The following PRKN variants were observed in gnomAD, a reference collection of about 807,000 sequenced individuals.
PRKN encodes parkin RBR E3 ubiquitin protein ligase.
A neutral mutation model predicts 59.5 loss-of-function variants in PRKN; 56 were observed. The observed-to-expected ratio is 0.94, with a 90% CI of 0.76 to 1.18. PRKN has a LOEUF of 1.18. Among genes scored for constraint, PRKN ranks in the 50% most tolerant of loss-of-function variants. The probability of loss-of-function intolerance (pLI) is 0.00; values close to 1 mark genes in which losing one functional copy is unlikely to be tolerated. For synonymous variants in PRKN, 250 were observed against 222.1 expected, an observed-to-expected ratio of 1.13 and a Z score of -1.12; for missense variants, 657 against 596.4, an observed-to-expected ratio of 1.10 and a Z score of -1.06.
In PRKN at chr6:161,844,231, C is replaced by T. The variant is rs986483944; in HGVS notation, c.735-58323G>A. 2.6e-5 allele frequency among the ~76,000 whole-genome samples: 4 copies of T among 152,212 alleles called. No individual in the cohort carries two copies. In the East Asian group the frequency reaches 5.8e-4, roughly 22 times the overall value. ...AAAAGATCTTTCAAAATATATTCCT[C>T]GCTTATAATGGTGGCAATGACCCTT... On this transcript the variant is annotated intron_variant, in intron 6 of 11. Coordinates refer to ENST00000366898, the MANE Select transcript of PRKN (RefSeq NM_004562.3).
chr6:162,708,547 GATGAAACATTAA>G (rs1358390086), intron 1 of PRKN, among the ~76,000 whole-genome samples: 1 of 152,180 alleles, frequency 6.6e-6, no homozygotes, highest in Non-Finnish European at 1.5e-5. Flanking sequence ...TCTTAACAGT[GATGAAACATTAA>G]ATGAAACATG....
chr6:161,825,939 C>T (rs1792226030), intron 6 of PRKN, among the ~76,000 whole-genome samples: 2 of 152,162 alleles, frequency 1.3e-5, no homozygotes, highest in Non-Finnish European at 1.5e-5. Context: ...AAGAATGCTT[C>T]GAGTTGCTTC....
chr6:161,850,460 C>T (rs1240842892), intron 6 of PRKN, among the ~76,000 whole-genome samples: 2 of 150,268 alleles, frequency 1.3e-5, no homozygotes, highest in African/African-American at 2.5e-5. Flanking sequence ...GCTGTAGTCC[C>T]GGCTACTTGG....
In PRKN at chr6:161,547,198, G is replaced by A. The variant is rs1482044304; in HGVS notation, c.1083+1656C>T. On this transcript the variant is annotated intron_variant, in intron 9 of 11. Transcript: ENST00000366898. This position sits in a 1 kb window ranked among gnomAD's most constrained non-coding sequence, Gnocchi z 4.0. ...AACACACCTCCAAAACCAACAAATC[G>A]AAACAAATTAAGATAAATTAAGAAT... is the stretch of plus-strand genomic sequence containing the variant. Among the ~76,000 whole-genome samples, 8 of 152,006 alleles carry A rather than the reference G, an allele frequency of 5.3e-5. No individual in the cohort carries two copies. Among genetic ancestry groups the A allele is most frequent in the African/African-American group, 1.9e-4 (8 of 41,380 alleles).
At chr6:162,418,047 C>A (rs892202404) in intron 2 of PRKN, among the ~76,000 whole-genome samples, 1 of 152,136 alleles carries the variant, frequency 6.6e-6, no homozygotes, top group African/African-American at 2.4e-5. Context: ...TATACAAAAG[C>A]CTGCACACAA....
At chr6:162,376,234 A>T (rs562154738) in intron 2 of PRKN, among the ~76,000 whole-genome samples, 13 of 152,110 alleles carry the variant, frequency 8.5e-5, no homozygotes, top group Non-Finnish European at 1.6e-4. Flanking sequence ...TGAATAAGGG[A>T]ATTTTGTTAC....
chr6:161,610,413 T>C (rs116950002), intron 7 of PRKN, among the ~76,000 whole-genome samples: 15,078 of 151,694 alleles, frequency 0.099, 1,016 homozygotes, highest in Middle Eastern at 0.17. Context: ...CGTTGGTTGA[T>C]TGACCCACTT....
rs115070954 is a variant in PRKN, at chr6:162,107,202, G to C, written c.535-53028C>G. Among the ~76,000 whole-genome samples, 407 of 152,278 alleles carry C rather than the reference G, an allele frequency of 2.7e-3. 2 individuals carry two copies. Among genetic ancestry groups the C allele is most frequent in the African/African-American group, 9.2e-3 (384 of 41,564 alleles). ...GTTGAAGGCCGGGCTCAATGGTTCA[G>C]GCCTATAATCCCAGCACTTTGGGAG... On this transcript the variant is annotated intron_variant, in intron 4 of 11. Transcript: ENST00000366898.
rs1404466838 is a variant in PRKN at position 161,417,008 on chromosome 6, G to A, written c.1084-30131C>T. On this transcript the variant is annotated intron_variant, in intron 9 of 11. Transcript: ENST00000366898. The surrounding 1 kb of genome is among the most constrained non-coding windows in gnomAD (Gnocchi z 5.4). The stretch of plus-strand genomic sequence containing the variant: ...GAAGATGGAGGAAAGAACTCTGGAG[G>A]GAGATGGGGCCGAGGAAGGAGTAGG... Among the ~76,000 whole-genome samples, 1 of 152,180 alleles carries A rather than the reference G, an allele frequency of 6.6e-6. No individual in the cohort carries two copies. Among genetic ancestry groups the A allele is most frequent in the Non-Finnish European group, 1.5e-5 (1 of 68,042 alleles).
At chr6:161,743,136 C>T (rs59980410) in intron 7 of PRKN, among the ~76,000 whole-genome samples, 12 of 148,498 alleles carry the variant, frequency 8.1e-5, no homozygotes, top group African/African-American at 2.7e-4. Flanking sequence ...GAATATTTTA[C>T]AATGTGGAAA....
chr6:162,505,639 A>T (rs1793575550), intron 1 of PRKN, among the ~76,000 whole-genome samples: 1 of 152,182 alleles, frequency 6.6e-6, no homozygotes, highest in African/African-American at 2.4e-5. Context: ...AATTAACATA[A>T]ATCTTAAGAC....
At chr6:161,629,819 G>A (rs771986231) in intron 7 of PRKN, among the ~76,000 whole-genome samples, 17 of 152,158 alleles carry the variant, frequency 1.1e-4, no homozygotes, top group African/African-American at 1.4e-4. Flanking sequence ...ATCTTGGGGC[G>A]ATAGTGGTTA....
At chr6:161,749,410 T>C (rs989886643) in intron 7 of PRKN, among the ~76,000 whole-genome samples, 4 of 152,198 alleles carry the variant, frequency 2.6e-5, no homozygotes, top group African/African-American at 7.2e-5. Context: ...TCTGTATCTG[T>C]TAAGTTATAC....
intron 6 of PRKN, among the ~76,000 whole-genome samples, chr6:161,882,663 T>C (rs1191058267): frequency 6.6e-6 from 1 of 152,206 alleles, no homozygotes; most frequent in Non-Finnish European, 1.5e-5. Context: ...CTCATTTCCA[T>C]ATCAAAGCAA....
rs567780323 is a variant in PRKN, at chr6:161,932,626, G to A, written c.734+40676C>T. On this transcript the variant is annotated intron_variant, in intron 6 of 11. Coordinates refer to ENST00000366898, the MANE Select transcript of PRKN (RefSeq NM_004562.3). ...TTTCATTTTTGCCACTTTGCAAAGC[G>A]AAAAAAGGATGTGTGTAGCTATAAA... 1.8e-4 allele frequency among the ~76,000 whole-genome samples: 27 copies of A among 152,050 alleles called. No individual in the cohort carries two copies. The South Asian group carries it at 4.4e-3, about 25-fold the overall frequency.
intron 1 of PRKN, among the ~76,000 whole-genome samples, chr6:162,446,515 T>C (rs1442920911): frequency 6.6e-6 from 1 of 152,118 alleles, no homozygotes; most frequent in Admixed American, 6.5e-5. Context: ...ATATACAAGT[T>C]TTTTCTATAA....
rs1790142619 is a variant in PRKN, at chr6:161,460,249, T to C, written c.1084-73372A>G. Among the ~76,000 whole-genome samples, 1 of 152,236 alleles carries C rather than the reference T, an allele frequency of 6.6e-6. No homozygotes were observed. Among genetic ancestry groups the C allele is most frequent in the Non-Finnish European group, 1.5e-5 (1 of 68,040 alleles). On this transcript the variant is annotated intron_variant, in intron 9 of 11. Transcript: ENST00000366898. This position sits in a 1 kb window ranked among gnomAD's most constrained non-coding sequence, Gnocchi z 5.0. ...GAGGTTGCAACAAAAGATTATTTTA[T>C]TTAATTCTTGTTGATGGGCACCGTG...
In PRKN at chr6:162,356,304, T is replaced by C. The variant is rs546005340; in HGVS notation, c.171+87006A>G. On this transcript the variant is annotated intron_variant, in intron 2 of 11. Transcript: ENST00000366898. Reference sequence around the variant, plus strand: ...ATCTTTCTACTCTGTGGTCCTAAATTGTGCCCCTTGCTGCTTTCATAGCCG... The same window carrying C: ...ATCTTTCTACTCTGTGGTCCTAAATCGTGCCCCTTGCTGCTTTCATAGCCG... Among the ~76,000 whole-genome samples, 43 of 152,212 alleles carry C rather than the reference T, an allele frequency of 2.8e-4. No individual in the cohort carries two copies. In the South Asian group the frequency reaches 8.5e-3, roughly 30 times the overall value.
At chr6:162,646,950 A>G (rs1562465831) in intron 1 of PRKN, among the ~76,000 whole-genome samples, 1 of 152,202 alleles carries the variant, frequency 6.6e-6, no homozygotes, top group Non-Finnish European at 1.5e-5. Context: ...TATGTGGCAC[A>G]TGATTGTATT....
Sources: allele counts gnomAD v4.1 joint callset (sites outside exome capture counted in the v4.1 genomes callset), GRCh38; gene constraint gnomAD v4.1.1; non-coding constraint Gnocchi (gnomAD v3.1); transcripts MANE v1.5; gene names NCBI Gene and HGNC (gene_info 2026-07-23, HGNC 2026-07-21).